The following CHSY1 variants were observed in gnomAD, a reference collection of about 807,000 sequenced individuals.
The protein encoded by CHSY1 is N-acetylgalactosaminyl-proteoglycan 3-beta-glucuronosyltransferase 1.
CHSY1 carries 13 observed loss-of-function variants against 59.8 expected under a neutral mutation model. That is an observed-to-expected ratio of 0.22 (90% CI 0.14 to 0.35). CHSY1 has a LOEUF of 0.35. Ranked by LOEUF, CHSY1 falls within the 10% of genes least tolerant of loss-of-function variation. The pLI is 1.00. For missense variants in CHSY1, 947 were observed against 1,030.6 expected, an observed-to-expected ratio of 0.92 and a Z score of 1.11; for synonymous variants, 459 against 401.2, an observed-to-expected ratio of 1.14 and a Z score of -1.72.
At chr15:101,231,724 G>A (rs761969199) in intron 2 of CHSY1, among the ~76,000 whole-genome samples, 2 of 152,300 alleles carry the variant, frequency 1.3e-5, no homozygotes, top group East Asian at 1.9e-4. Context: ...AGTACACGTC[G>A]AAGCAAAAGT....
At position 101,176,040 on chromosome 15, in the gene CHSY1, A is replaced by G. The variant is rs1157394247; in HGVS notation, c.*1348T>C. 1 of 377,550 alleles carries G rather than the reference A, an allele frequency of 2.6e-6. No individual in the cohort carries two copies. The highest frequency in any genetic ancestry group is 2.1e-5 in the African/African-American group (1 of 48,270). The allele number at this position is 377,550 out of a possible 1,614,324, so 23.4% of individuals were successfully genotyped here. ...AACACATGAGCACCAAAATTGTCAA[A>G]GAACACTTAATATTTAGTAAAACAG... is the stretch of plus-strand genomic sequence containing the variant. On this transcript the variant is annotated 3_prime_UTR_variant, in exon 3 of 3. Coordinates refer to ENST00000254190, the MANE Select transcript of CHSY1 (RefSeq NM_014918.5).
In CHSY1 at chr15:101,187,082, T is replaced by C. The variant is rs562021520; in HGVS notation, c.817-8102A>G. Among the ~76,000 whole-genome samples, 8 of 152,340 alleles carry C rather than the reference T, an allele frequency of 5.3e-5. No individual in the cohort carries two copies. The South Asian group carries it at 1.7e-3, about 32-fold the overall frequency. On this transcript the variant is annotated intron_variant, in intron 2 of 2. Transcript: ENST00000254190. ...GTCCCTATTAACTGTTTCTATCCTG[T>C]GAAACTTAATCTCCAACTCCTCTAT...
chr15:101,251,363 A>G lies in CHSY1; in HGVS notation c.94T>C (p.Ser32Pro), dbSNP rs760263900. The G allele has an allele frequency of 6.9e-6, 8 of 1,157,416 alleles. No homozygotes were observed. In the South Asian group the frequency reaches 1.4e-4, roughly 20 times the overall value. 71.7% of individuals were successfully genotyped at this position (1,157,416 alleles called of 1,614,324 possible). A position where few individuals can be genotyped will look rare whatever the true frequency, so the allele number is the denominator to read the frequency against. Residue 32 changes from serine (S) to proline (P), a missense_variant, in exon 1 of 3, where the codon TCC (serine) becomes CCC (proline). By Grantham distance (74) the Ser-to-Pro change is moderately conservative. Coordinates refer to ENST00000254190, the MANE Select transcript of CHSY1 (RefSeq NM_014918.5). Reference sequence around the variant, plus strand: ...CGTGGGCCCGCTCGCTTCAGCTCGGAAGCCCGGGGCAGGACGAGCCGCGAG... The same window carrying G: ...CGTGGGCCCGCTCGCTTCAGCTCGGGAGCCCGGGGCAGGACGAGCCGCGAG... ...LASRLVLPRA[S>P]ELKRAGPRRR...
chr15:101,178,996 A>G lies in CHSY1; in HGVS notation c.817-16T>C. On this transcript the variant is annotated splice_polypyrimidine_tract_variant and intron_variant, in intron 2 of 2. Coordinates refer to ENST00000254190, the MANE Select transcript of CHSY1 (RefSeq NM_014918.5). ...GCTGCTGCATCTGTTACAGGAAAAA[A>G]AAGAGATCACAAATTTAGTATTGTA... 6.2e-7 allele frequency: 1 copy of G among 1,613,130 alleles called. No individual in the cohort carries two copies. The highest frequency in any genetic ancestry group is 8.5e-7 in the Non-Finnish European group (1 of 1,179,284).
intron 2 of CHSY1, among the ~76,000 whole-genome samples, chr15:101,232,311 G>GTT (rs1435511199): frequency 1.3e-5 from 2 of 152,194 alleles, no homozygotes; most frequent in African/African-American, 4.8e-5. Context: ...TTTACAGGAA[G>GTT]TTTAATAAAA....
rs1338310813 is a variant in CHSY1 at position 101,251,122 on chromosome 15, G to A, written c.320+15C>T. The stretch of plus-strand genomic sequence containing the variant: ...GCCGGACGCAGGAGGCGGTGCCCGG[G>A]GAGCAGGGGCTCACCTGTAGGCGGC... On this transcript the variant is annotated intron_variant, in intron 1 of 2. Coordinates refer to ENST00000254190, the MANE Select transcript of CHSY1 (RefSeq NM_014918.5). 1 of 1,565,186 alleles carries A rather than the reference G, an allele frequency of 6.4e-7. No individual in the cohort carries two copies. Among genetic ancestry groups the A allele is most frequent in the Non-Finnish European group, 8.6e-7 (1 of 1,160,122 alleles).
intron 2 of CHSY1, among the ~76,000 whole-genome samples, chr15:101,200,798 C>T (rs763488568): frequency 6.6e-6 from 1 of 152,132 alleles, no homozygotes; most frequent in Non-Finnish European, 1.5e-5. Flanking sequence ...CAATATGGAA[C>T]CCTGGTCATG....
chr15:101,219,741 C>A (rs1348169957), intron 2 of CHSY1, among the ~76,000 whole-genome samples: 1 of 152,200 alleles, frequency 6.6e-6, no homozygotes, highest in Non-Finnish European at 1.5e-5. Flanking sequence ...CCAGCACATA[C>A]CCCATCCTTG....
intron 2 of CHSY1, among the ~76,000 whole-genome samples, chr15:101,183,693 T>G (rs1026122516): frequency 2.0e-5 from 3 of 152,250 alleles, no homozygotes; most frequent in Admixed American, 1.3e-4. Flanking sequence ...CGGACAGCCC[T>G]GCAGCAGCTG....
intron 1 of CHSY1, among the ~76,000 whole-genome samples, chr15:101,244,397 G>T (rs1362110179): frequency 6.6e-6 from 1 of 152,206 alleles, no homozygotes; most frequent in Admixed American, 6.5e-5. Flanking sequence ...CTTCAGGACA[G>T]AATTAATGGT....
At chr15:101,190,137 G>C (rs1278570817) in intron 2 of CHSY1, among the ~76,000 whole-genome samples, 2 of 152,254 alleles carry the variant, frequency 1.3e-5, no homozygotes, top group East Asian at 1.9e-4. Flanking sequence ...AGTCTGAGGG[G>C]GGACTCTCAC....
chr15:101,202,541 G>C (rs1183658403), intron 2 of CHSY1, among the ~76,000 whole-genome samples: 5 of 117,418 alleles, frequency 4.3e-5, no homozygotes, highest in East Asian at 3.0e-4. Flanking sequence ...TTCTGCAGGG[G>C]GGGCAGTGGG....
intron 2 of CHSY1, among the ~76,000 whole-genome samples, chr15:101,213,559 T>C (rs954640069): frequency 1.3e-5 from 2 of 152,240 alleles, no homozygotes; most frequent in African/African-American, 4.8e-5. Context: ...TAAGGAAATG[T>C]GCTACCTGAC....
chr15:101,195,041 C>T (rs2038490026), intron 2 of CHSY1, among the ~76,000 whole-genome samples: 1 of 152,154 alleles, frequency 6.6e-6, no homozygotes, highest in Non-Finnish European at 1.5e-5. Context: ...CCATAACCCA[C>T]GCGACTCTTA....
In CHSY1 at chr15:101,177,334, T is replaced by A. The variant is rs574647716; in HGVS notation, c.*54A>T. The A allele has an allele frequency of 1.3e-6, 2 of 1,564,780 alleles. No homozygotes were observed. Among genetic ancestry groups the A allele is most frequent in the East Asian group, 2.3e-5 (1 of 44,302 alleles). ...CTTCAAAAACTGATCATACAAAAAATTTTTGAAAAATAAATTAGATAATTA... is the reference window on the plus strand; with the variant it reads ...CTTCAAAAACTGATCATACAAAAAAATTTTGAAAAATAAATTAGATAATTA... On this transcript the variant is annotated 3_prime_UTR_variant, in exon 3 of 3. Coordinates refer to ENST00000254190, the MANE Select transcript of CHSY1 (RefSeq NM_014918.5).
intron 2 of CHSY1, among the ~76,000 whole-genome samples, chr15:101,211,624 G>A (rs55996680): frequency 0.029 from 4,403 of 152,144 alleles, 78 homozygotes; most frequent in East Asian, 0.057. Context: ...GTGAATCACA[G>A]CTGAATAAAT....
intron 2 of CHSY1, among the ~76,000 whole-genome samples, chr15:101,193,049 T>C (rs186778326): frequency 5.3e-5 from 8 of 152,318 alleles, no homozygotes; most frequent in Admixed American, 3.9e-4. Flanking sequence ...TCCGACGAGG[T>C]AGCTCTGTTA....
At chr15:101,196,229 C>CAAAA (rs533785067) in intron 2 of CHSY1, among the ~76,000 whole-genome samples, 1 of 81,076 alleles carries the variant, frequency 1.2e-5, no homozygotes, top group Non-Finnish European at 2.4e-5. Flanking sequence ...GAAGCAGTCT[C>CAAAA]AAAAAAAAAA....
At position 101,177,371 on chromosome 15, in the gene CHSY1, T is replaced by C. The variant is rs2038205405; in HGVS notation, c.*17A>G. 1 of 1,594,376 alleles carries C rather than the reference T, an allele frequency of 6.3e-7. No individual in the cohort carries two copies. On this transcript the variant is annotated 3_prime_UTR_variant, in exon 3 of 3. Coordinates refer to ENST00000254190, the MANE Select transcript of CHSY1 (RefSeq NM_014918.5). The stretch of plus-strand genomic sequence containing the variant: ...AAATTAGATAATTAAAAACGTCTTT[T>C]CCAGCAAAGCTGGACATTAGGCTGT...
Sources: allele counts gnomAD v4.1 joint callset (sites outside exome capture counted in the v4.1 genomes callset), GRCh38; gene constraint gnomAD v4.1.1; transcripts MANE v1.5; gene names NCBI Gene and HGNC (gene_info 2026-07-23, HGNC 2026-07-21).